NCAM1: variants seen among roughly 807,000 people sequenced by gnomAD.
NCAM1 encodes the protein antigen recognized by monoclonal antibody 5.1H11.
A neutral mutation model predicts 109.8 loss-of-function variants in NCAM1; 14 were observed. The observed-to-expected ratio is 0.13, with a 90% CI of 0.08 to 0.20. The LOEUF is 0.20. Among genes scored for constraint, NCAM1 ranks in the 10% least tolerant of loss-of-function variants. The probability of loss-of-function intolerance (pLI) is 1.00; values close to 1 mark genes in which losing one functional copy is unlikely to be tolerated. For missense variants in NCAM1, 774 were observed against 1,109.9 expected (o/e 0.70, Z 4.30); for synonymous variants, 418 against 442.9 (o/e 0.94, Z 0.70).
At chr11:113,036,094 A>G (rs1952872338) in intron 1 of NCAM1, among the ~76,000 whole-genome samples, 1 of 151,752 alleles carries the variant, frequency 6.6e-6, no homozygotes, top group Non-Finnish European at 1.5e-5. Flanking sequence ...TTGACTCCCT[A>G]TCTTAGTCCC....
rs782462491 is a variant in NCAM1 at position 113,185,079 on chromosome 11, T to TAG, written c.53-17266_53-17265dup. On this transcript the variant is annotated intron_variant, in intron 1 of 19. Transcript: ENST00000316851. ...GTGTGCATTTATATTTATATATATA[T>TAG]AGAGAGAGAGAGAGAGAGAGAGAGA... 1.4e-3 allele frequency among the ~76,000 whole-genome samples: 171 copies of TAG among 125,748 alleles called. 2 individuals carry two copies. Among genetic ancestry groups the TAG allele is most frequent in the African/African-American group, 4.9e-3 (155 of 31,648 alleles). The allele number at this position is 125,748 out of a possible 152,430, so 82.5% of individuals were successfully genotyped here. A position where few individuals can be genotyped will look rare whatever the true frequency, so the allele number is the denominator to read the frequency against.
chr11:113,016,208 A>C (rs1699746848), intron 1 of NCAM1, among the ~76,000 whole-genome samples: 1 of 152,288 alleles, frequency 6.6e-6, no homozygotes, highest in Non-Finnish European at 1.5e-5. Flanking sequence ...CACTGAGCCA[A>C]GATCTTTCAC....
intron 9 of NCAM1, among the ~76,000 whole-genome samples, chr11:113,228,601 C>CCAAA: frequency 6.6e-6 from 1 of 152,102 alleles, no homozygotes; most frequent in Non-Finnish European, 1.5e-5. Context: ...TCATATGGAA[C>CCAAA]CAAAAAAGAG....
rs577165007 is a variant in NCAM1, at chr11:113,232,207, T to C, written c.1278T>C (p.Thr426=). 6.2e-7 allele frequency: 1 copy of C among 1,612,722 alleles called. No homozygotes were observed. Among genetic ancestry groups the C allele is most frequent in the Admixed American group, 1.7e-5 (1 of 59,928 alleles). Residue 426 remains threonine (T), a synonymous_variant, in exon 11 of 20, where the codon ACT becomes ACC. Coordinates refer to ENST00000316851, the MANE Select transcript of NCAM1 (RefSeq NM_181351.5). The part of the protein sequence containing the change: ...PKLQGPVAVY[T]WEGNQVNITC... ...TACAGGGCCCTGTGGCTGTGTACACTTGGGAGGGGAACCAGGTGAACATCA... is the reference window on the plus strand; with the variant it reads ...TACAGGGCCCTGTGGCTGTGTACACCTGGGAGGGGAACCAGGTGAACATCA...
At chr11:113,184,495 G>A (rs1943433101) in intron 1 of NCAM1, among the ~76,000 whole-genome samples, 1 of 152,118 alleles carries the variant, frequency 6.6e-6, no homozygotes, top group South Asian at 2.1e-4. Context: ...ATGATTTATA[G>A]CTAACTCAGA....
chr11:113,091,757 T>G lies in NCAM1; in HGVS notation c.53-110622T>G, dbSNP rs552020012. ...AGGGCTTATAGCCCCACTTCATGGA[T>G]AGCTAAACTTAAGAATGGAAAAAAT... On this transcript the variant is annotated intron_variant, in intron 1 of 19. Transcript: ENST00000316851. Among the ~76,000 whole-genome samples the G allele has an allele frequency of 3.3e-5, 5 of 152,324 alleles. No homozygotes were observed. The East Asian group carries it at 9.6e-4, about 29-fold the overall frequency.
chr11:113,118,800 A>C (rs1048213684), intron 1 of NCAM1, among the ~76,000 whole-genome samples: 1 of 152,044 alleles, frequency 6.6e-6, no homozygotes, highest in African/African-American at 2.4e-5. Context: ...TGAGGCATAG[A>C]GAATGAAAAT....
rs1411105394 is a variant in NCAM1, at chr11:113,202,407, C to A, written c.81C>A (p.Ser27Arg). Residue 27 changes from serine to arginine, a missense_variant, in exon 2 of 20, where the codon AGC (serine) becomes AGA (arginine). Physicochemically the swap from Ser to Arg is moderately radical, Grantham distance 110 (BLOSUM62 -1). Coordinates refer to ENST00000316851, the MANE Select transcript of NCAM1 (RefSeq NM_181351.5). ...CTCTGCAGGTGGATATTGTTCCCAG[C>A]CAGGGGGAGATCAGCGTTGGAGAGT... ...AVSLQVDIVP[S>R]QGEISVGESK... is the part of the protein sequence containing the mutation. 1.2e-6 allele frequency: 2 copies of A among 1,612,974 alleles called. No individual in the cohort carries two copies. The highest frequency in any genetic ancestry group is 1.7e-5 in the Admixed American group (1 of 59,896).
chr11:113,192,884 G>A (rs868987261), intron 1 of NCAM1, among the ~76,000 whole-genome samples: 11 of 152,230 alleles, frequency 7.2e-5, no homozygotes, highest in South Asian at 2.1e-4. Flanking sequence ...CTGCAATCCT[G>A]GCCATGACTC....
intron 9 of NCAM1, among the ~76,000 whole-genome samples, chr11:113,230,827 T>C (rs1944983362): frequency 6.6e-6 from 1 of 152,164 alleles, no homozygotes; most frequent in Non-Finnish European, 1.5e-5. Flanking sequence ...TTACTTAGAA[T>C]GTCAAGGGGA....
At chr11:113,253,589 T>G (rs1565531529) in intron 15 of NCAM1, among the ~76,000 whole-genome samples, 1 of 152,156 alleles carries the variant, frequency 6.6e-6, no homozygotes, top group African/African-American at 2.4e-5. Context: ...TTTGCAGGAT[T>G]GATTCAGCCT....
chr11:113,068,881 A>G (rs1484154205), intron 1 of NCAM1, among the ~76,000 whole-genome samples: 6 of 152,190 alleles, frequency 3.9e-5, no homozygotes, highest in African/African-American at 1.4e-4. Flanking sequence ...GTCATATTGC[A>G]TCAAGGTGTA....
chr11:113,166,783 C>T (rs1298697456), intron 1 of NCAM1, among the ~76,000 whole-genome samples: 1 of 152,118 alleles, frequency 6.6e-6, no homozygotes, highest in Non-Finnish European at 1.5e-5. Context: ...AAAAAAAACA[C>T]TGGCTCTATT....
At chr11:113,012,312 C>CG (rs1952089728) in intron 1 of NCAM1, among the ~76,000 whole-genome samples, 1 of 152,004 alleles carries the variant, frequency 6.6e-6, no homozygotes, top group Non-Finnish European at 1.5e-5. Context: ...CCACTGTGCC[C>CG]GGCTGGGAAA....
intron 11 of NCAM1, 74 bp downstream of exon 11, chr11:113,232,428 A>C: frequency 8.5e-4 from 1,192 of 1,403,972 alleles, no homozygotes; most frequent in Non-Finnish European, 1.1e-3. Context: ...AATGCAGCTC[A>C]AGTCCTCTCT....
At chr11:113,134,343 T>C (rs547761360) in intron 1 of NCAM1, among the ~76,000 whole-genome samples, 1 of 152,286 alleles carries the variant, frequency 6.6e-6, no homozygotes, top group East Asian at 1.9e-4. Context: ...CTGAATAATA[T>C]TTCATTGTAG....
At chr11:113,097,605 CT>C (rs36089828) in intron 1 of NCAM1, among the ~76,000 whole-genome samples, 31,404 of 141,904 alleles carry the variant, frequency 0.22, 3,523 homozygotes, top group East Asian at 0.49. Flanking sequence ...GTGACTTGGG[CT>C]TTTTTTTTTT....
intron 15 of NCAM1, among the ~76,000 whole-genome samples, chr11:113,248,320 C>A (rs975463592): frequency 2.0e-5 from 3 of 151,958 alleles, no homozygotes; most frequent in African/African-American, 7.3e-5. Flanking sequence ...CATGACAGAC[C>A]CTCTCCTGCC....
At chr11:113,214,583 G>T in intron 8 of NCAM1, 72 bp downstream of exon 8, 1 of 1,495,794 alleles carries the variant, frequency 6.7e-7, no homozygotes, top group Non-Finnish European at 9.0e-7. Context: ...CTCATGCCCA[G>T]TTCTCTTTGG....
Sources: allele counts gnomAD v4.1 joint callset (sites outside exome capture counted in the v4.1 genomes callset), GRCh38; gene constraint gnomAD v4.1.1; transcripts MANE v1.5; gene names NCBI Gene and HGNC (gene_info 2026-07-23, HGNC 2026-07-21).